PPARGC1A: variants seen among roughly 807,000 people sequenced by gnomAD.
The protein encoded by PPARGC1A is peroxisome proliferator-activated receptor gamma coactivator 1-alpha.
A neutral mutation model predicts 88.7 loss-of-function variants in PPARGC1A; 25 were observed. The ratio of observed to expected loss-of-function variants is 0.28; its 90% CI spans 0.21 to 0.39. The LOEUF (loss-of-function observed/expected upper bound fraction) is 0.39, where lower values mean the gene tolerates loss of function less well. Ranked by LOEUF, PPARGC1A falls within the 10% of genes least tolerant of loss-of-function variation. PPARGC1A has a pLI of 1.00. For missense variants in PPARGC1A, 880 were observed against 968.7 expected, an observed-to-expected ratio of 0.91 and a Z score of 1.22; for synonymous variants, 363 against 355.6, an observed-to-expected ratio of 1.02 and a Z score of -0.24.
At chr4:24,410,874 G>A in the PPARGC1A span, among the ~76,000 whole-genome samples, 1 of 152,082 alleles carries the variant, frequency 6.6e-6, no homozygotes, top group African/African-American at 2.4e-5. Flanking sequence ...CTGCACTGTC[G>A]GCTTCCCTAC....
chr4:24,300,324 A>ATTTTTTTTTTTTTTTTTTTTTT, the PPARGC1A span, among the ~76,000 whole-genome samples: 9 of 45,028 alleles, frequency 2.0e-4, 4 homozygotes, highest in Non-Finnish European at 3.1e-4. Flanking sequence ...ATACAATAGC[A>ATTTTTTTTTTTTTTTTTTTTTT]TTTTTTTTTT....
At chr4:24,237,222 A>G in the PPARGC1A span, among the ~76,000 whole-genome samples, 1 of 151,976 alleles carries the variant, frequency 6.6e-6, no homozygotes, top group African/African-American at 2.4e-5. Flanking sequence ...TTTCCCCATC[A>G]ATAGTAATTC....
chr4:23,812,116 T>C (rs1190953513), intron 10 of PPARGC1A, among the ~76,000 whole-genome samples: 1 of 151,562 alleles, frequency 6.6e-6, no homozygotes, highest in African/African-American at 2.4e-5. Flanking sequence ...CAGGGTTTCC[T>C]GTCTCCTATG....
chr4:23,792,179 C>A lies in PPARGC1A; in HGVS notation c.*3643G>T, dbSNP rs775665840. ...AAGGCCCGGCAAGGGCTCAACTAAT[C>A]GCTCACTTTCCCTCTTCAGCATAGT... On this transcript the variant is annotated 3_prime_UTR_variant, in exon 13 of 13. Transcript: ENST00000264867. 1 of 152,598 alleles carries A rather than the reference C, an allele frequency of 6.6e-6. No homozygotes were observed. The highest frequency in any genetic ancestry group is 1.5e-5 in the Non-Finnish European group (1 of 68,028). 9.5% of individuals were successfully genotyped at this position (152,598 alleles called of 1,614,324 possible).
the PPARGC1A span, among the ~76,000 whole-genome samples, chr4:24,200,909 A>G: frequency 6.6e-6 from 1 of 152,156 alleles, no homozygotes; most frequent in African/African-American, 2.4e-5. Context: ...TTTCTTATTA[A>G]AACAATACAT....
intron 2 of PPARGC1A, among the ~76,000 whole-genome samples, chr4:23,863,934 A>T (rs1731699455): frequency 6.6e-6 from 1 of 152,146 alleles, no homozygotes; most frequent in South Asian, 2.1e-4. Context: ...TTTAGTGCAG[A>T]CAGGGTTTCT....
At chr4:24,436,922 C>T in the PPARGC1A span, among the ~76,000 whole-genome samples, 3 of 152,216 alleles carry the variant, frequency 2.0e-5, no homozygotes, top group Admixed American at 6.5e-5. Context: ...CAGCGATTGG[C>T]CACCCCAGAG....
chr4:23,826,313 C>T (rs939487470), intron 5 of PPARGC1A, among the ~76,000 whole-genome samples: 2 of 152,128 alleles, frequency 1.3e-5, no homozygotes, highest in Non-Finnish European at 2.9e-5. Flanking sequence ...GAGTTTAATC[C>T]ACCCTGTTCC....
At chr4:24,243,851 G>A in the PPARGC1A span, among the ~76,000 whole-genome samples, 3 of 152,198 alleles carry the variant, frequency 2.0e-5, no homozygotes, top group Non-Finnish European at 4.4e-5. Flanking sequence ...TGTTTTCTCA[G>A]CTGTTTCCTA....
the PPARGC1A span, among the ~76,000 whole-genome samples, chr4:24,443,178 C>T: frequency 4.6e-5 from 7 of 151,664 alleles, no homozygotes; most frequent in Admixed American, 1.3e-4. Flanking sequence ...GGTCAAATAA[C>T]GTTCATCATT....
the PPARGC1A span, among the ~76,000 whole-genome samples, chr4:24,241,450 A>G: frequency 2.0e-5 from 3 of 152,206 alleles, no homozygotes; most frequent in African/African-American, 7.2e-5. Context: ...TCATCTGAAA[A>G]ATAAAATGCT....
At chr4:23,972,282 T>C in the PPARGC1A span, among the ~76,000 whole-genome samples, 1 of 152,212 alleles carries the variant, frequency 6.6e-6, no homozygotes, top group Non-Finnish European at 1.5e-5. Flanking sequence ...AAACCTAGGC[T>C]AGGAAGATGA....
the PPARGC1A span, among the ~76,000 whole-genome samples, chr4:24,260,511 C>T: frequency 3.9e-5 from 6 of 152,178 alleles, no homozygotes; most frequent in Non-Finnish European, 8.8e-5. Context: ...TTAACATTCA[C>T]GAGTAACAGA....
the PPARGC1A span, among the ~76,000 whole-genome samples, chr4:24,265,722 AC>A: frequency 6.6e-6 from 1 of 152,102 alleles, no homozygotes; most frequent in African/African-American, 2.4e-5. Context: ...AATACTAGAT[AC>A]ACTGGAAGTG....
chr4:24,383,413 A>G, the PPARGC1A span, among the ~76,000 whole-genome samples: 162 of 152,292 alleles, frequency 1.1e-3, no homozygotes, highest in African/African-American at 3.7e-3. Flanking sequence ...GAAGGTAGGT[A>G]ATAACAAACT....
At chr4:24,136,582 C>CA in the PPARGC1A span, among the ~76,000 whole-genome samples, 25 of 152,164 alleles carry the variant, frequency 1.6e-4, no homozygotes, top group Non-Finnish European at 2.2e-4. Flanking sequence ...AGCACAGCAA[C>CA]AAAACAGAGC....
At chr4:24,319,368 T>A in the PPARGC1A span, among the ~76,000 whole-genome samples, 8 of 152,060 alleles carry the variant, frequency 5.3e-5, no homozygotes, top group Admixed American at 5.2e-4. Flanking sequence ...ATAAAGAAAC[T>A]CATTCATTTG....
the PPARGC1A span, among the ~76,000 whole-genome samples, chr4:24,252,100 C>A: frequency 6.6e-6 from 1 of 151,824 alleles, no homozygotes; most frequent in Non-Finnish European, 1.5e-5. Flanking sequence ...CTAAAATTTC[C>A]CTGAATTTGA....
chr4:24,058,247 G>A, the PPARGC1A span, among the ~76,000 whole-genome samples: 2 of 152,118 alleles, frequency 1.3e-5, no homozygotes, highest in African/African-American at 4.8e-5. Flanking sequence ...CATGGTCCAA[G>A]GCTAATCACA....
Sources: allele counts gnomAD v4.1 joint callset (sites outside exome capture counted in the v4.1 genomes callset), GRCh38; gene constraint gnomAD v4.1.1; transcripts MANE v1.5; gene names NCBI Gene and HGNC (gene_info 2026-07-23, HGNC 2026-07-21).